The following SDK1 variants were observed in gnomAD, a reference collection of about 807,000 sequenced individuals.
SDK1 encodes the protein protein sidekick-1.
SDK1 carries 157 observed loss-of-function variants against 245.5 expected under a neutral mutation model. The ratio of observed to expected loss-of-function variants is 0.64; its 90% CI spans 0.56 to 0.73. The LOEUF is 0.73. SDK1 is among the 30% of genes least tolerant of loss of function. The probability of loss-of-function intolerance (pLI) is 0.00; values close to 1 mark genes in which losing one functional copy is unlikely to be tolerated. For synonymous variants in SDK1, 1,647 were observed against 1,278.5 expected (o/e 1.29, Z -6.15); for missense variants, 3,583 against 3,002.3 (o/e 1.19, Z -4.52).
At position 3,642,061 on chromosome 7, in the gene SDK1, G is replaced by C. The variant is rs1295062412; in HGVS notation, c.669G>C (p.Val223=). ...LPITSYPRPQ[V]TWFREGHKII... Reference sequence around the variant, plus strand: ...TCACCAGCTACCCCAGACCTCAAGTGACTTGGTTTAGAGAAGGGCACAAGA... The same window carrying C: ...TCACCAGCTACCCCAGACCTCAAGTCACTTGGTTTAGAGAAGGGCACAAGA... The change falls in exon 4 of 45, where the codon GTG becomes GTC. Residue 223 remains valine, a synonymous_variant. Transcript: ENST00000404826. 6.2e-7 allele frequency: 1 copy of C among 1,614,022 alleles called. No homozygotes were observed. The highest frequency in any genetic ancestry group is 8.5e-7 in the Non-Finnish European group (1 of 1,180,014).
rs892493512 is a variant in SDK1, at chr7:3,880,638, G to A, written c.847+59055G>A. Among the ~76,000 whole-genome samples the A allele has an allele frequency of 4.0e-5, 6 of 150,230 alleles. No individual in the cohort carries two copies. In the South Asian group the frequency reaches 8.5e-4, roughly 21 times the overall value. The stretch of plus-strand genomic sequence containing the variant: ...ACGCACCTGAACTAAATCCCAGAGG[G>A]CTGAGTGCTGCTGTACCACTCCCTC... On this transcript the variant is annotated intron_variant, in intron 5 of 44. Coordinates refer to ENST00000404826, the MANE Select transcript of SDK1 (RefSeq NM_152744.4).
intron 1 of SDK1, among the ~76,000 whole-genome samples, chr7:3,529,698 G>A (rs1315139504): frequency 6.6e-6 from 1 of 152,138 alleles, no homozygotes; most frequent in Non-Finnish European, 1.5e-5. Flanking sequence ...GTGTGAGGAT[G>A]TTTGATGAGA....
At chr7:4,170,439 C>T (rs1377487538) in intron 32 of SDK1, among the ~76,000 whole-genome samples, 6 of 151,886 alleles carry the variant, frequency 4.0e-5, no homozygotes, top group African/African-American at 1.2e-4. Flanking sequence ...AGGGTGAGAT[C>T]CTGTCTCAAA....
chr7:4,084,769 A>T (rs1220812226), intron 22 of SDK1, among the ~76,000 whole-genome samples: 5 of 148,310 alleles, frequency 3.4e-5, no homozygotes, highest in Non-Finnish European at 6.0e-5. Context: ...ATTTTATTTT[A>T]TTTATTTATT....
intron 35 of SDK1, among the ~76,000 whole-genome samples, chr7:4,203,288 G>A (rs1200935554): frequency 6.6e-6 from 1 of 152,152 alleles, no homozygotes; most frequent in African/African-American, 2.4e-5. Context: ...GTCTCTCATT[G>A]CCTCAGCAAG....
intron 1 of SDK1, among the ~76,000 whole-genome samples, chr7:3,507,728 C>T (rs1447108197): frequency 6.6e-6 from 1 of 152,148 alleles, no homozygotes; most frequent in Non-Finnish European, 1.5e-5. Context: ...CTTTCTCCTG[C>T]ATGGTCAAAT....
intron 4 of SDK1, among the ~76,000 whole-genome samples, chr7:3,700,454 G>A (rs932080555): frequency 6.6e-6 from 1 of 152,080 alleles, no homozygotes; most frequent in African/African-American, 2.4e-5. Context: ...AGAATGGTAA[G>A]GTTTTTATAC....
intron 1 of SDK1, among the ~76,000 whole-genome samples, chr7:3,322,943 G>A (rs908663339): frequency 1.3e-5 from 2 of 152,058 alleles, no homozygotes; most frequent in Non-Finnish European, 2.9e-5. Context: ...CCAAGTAGCT[G>A]GGATCACAGG....
intron 1 of SDK1, among the ~76,000 whole-genome samples, chr7:3,553,757 A>C (rs1053813123): frequency 6.6e-6 from 1 of 152,152 alleles, no homozygotes; most frequent in African/African-American, 2.4e-5. Flanking sequence ...TCATGCACCT[A>C]AGACCACCTT....
At chr7:3,926,518 T>C (rs1218165517) in intron 5 of SDK1, among the ~76,000 whole-genome samples, 1 of 152,116 alleles carries the variant, frequency 6.6e-6, no homozygotes, top group Admixed American at 6.5e-5. Flanking sequence ...TGGAGTGCAG[T>C]GGTGTGATCT....
chr7:3,644,329 C>G lies in SDK1; in HGVS notation c.713+2224C>G, dbSNP rs138914562. The stretch of plus-strand genomic sequence containing the variant: ...GTTACCTTAGAAGATGGGATAATTG[C>G]TATCCTTTTTTCTTTATTTAATTAC... On this transcript the variant is annotated intron_variant, in intron 4 of 44. Coordinates refer to ENST00000404826, the MANE Select transcript of SDK1 (RefSeq NM_152744.4). Among the ~76,000 whole-genome samples, 225 of 151,350 alleles carry G rather than the reference C, an allele frequency of 1.5e-3. 1 individual carries two copies. The highest frequency in any genetic ancestry group is 5.2e-3 in the African/African-American group (215 of 41,260).
chr7:4,132,836 C>G (rs960417086), intron 28 of SDK1, among the ~76,000 whole-genome samples: 1 of 152,228 alleles, frequency 6.6e-6, no homozygotes, highest in Admixed American at 6.5e-5. Flanking sequence ...AAAAGGCTGT[C>G]TCCAGCAGCC....
intron 1 of SDK1, among the ~76,000 whole-genome samples, chr7:3,585,148 A>G (rs913586200): frequency 6.6e-6 from 1 of 152,172 alleles, no homozygotes; most frequent in Non-Finnish European, 1.5e-5. Context: ...TCCTTGCCTC[A>G]GCCTCTGCTT....
intron 5 of SDK1, among the ~76,000 whole-genome samples, chr7:3,832,867 A>G (rs1027036935): frequency 2.0e-5 from 3 of 151,982 alleles, no homozygotes; most frequent in African/African-American, 4.8e-5. Flanking sequence ...GTATACCTCT[A>G]TGTTTGGCTG....
In SDK1 at chr7:3,915,306, A is replaced by G. The variant is rs77929266; in HGVS notation, c.848-35617A>G. 9.8e-3 allele frequency among the ~76,000 whole-genome samples: 1,485 copies of G among 152,232 alleles called. 18 individuals are homozygous for G. The highest frequency in any genetic ancestry group is 0.036 in the South Asian group (172 of 4,818). ...CTTTGGTAGGAGACCCCTGAAGAGCATGTACCCTGATGTGGTTTGGCTGTG... is the reference window on the plus strand; with the variant it reads ...CTTTGGTAGGAGACCCCTGAAGAGCGTGTACCCTGATGTGGTTTGGCTGTG... On this transcript the variant is annotated intron_variant, in intron 5 of 44. Coordinates refer to ENST00000404826, the MANE Select transcript of SDK1 (RefSeq NM_152744.4).
At chr7:3,552,263 G>A (rs1284534883) in intron 1 of SDK1, among the ~76,000 whole-genome samples, 1 of 152,026 alleles carries the variant, frequency 6.6e-6, no homozygotes, top group African/African-American at 2.4e-5. Flanking sequence ...GGTCTCGATC[G>A]ATCTCCTGAC....
At chr7:4,108,984 C>T (rs1468121143) in intron 22 of SDK1, among the ~76,000 whole-genome samples, 2 of 152,172 alleles carry the variant, frequency 1.3e-5, no homozygotes, top group African/African-American at 4.8e-5. Flanking sequence ...GAGATTTGTC[C>T]ATGTGGTAGC....
chr7:4,209,044 A>G (rs138269302), intron 37 of SDK1, among the ~76,000 whole-genome samples: 1,654 of 152,276 alleles, frequency 0.011, 33 homozygotes, highest in African/African-American at 0.038. Flanking sequence ...CCGACATTCC[A>G]TGGGTTCAGC....
At chr7:3,808,255 G>T (rs184902936) in intron 4 of SDK1, among the ~76,000 whole-genome samples, 228 of 152,302 alleles carry the variant, frequency 1.5e-3, no homozygotes, top group African/African-American at 5.3e-3. Flanking sequence ...GAGAAGAAGA[G>T]TTGACGGGGA....
Sources: allele counts gnomAD v4.1 joint callset (sites outside exome capture counted in the v4.1 genomes callset), GRCh38; gene constraint gnomAD v4.1.1; transcripts MANE v1.5; gene names NCBI Gene and HGNC (gene_info 2026-07-23, HGNC 2026-07-21).